Variants in KBTBD8 observed in about 807,000 individuals in gnomAD.
The protein encoded by KBTBD8 is kelch repeat and BTB domain containing 8, also known as kelch repeat and BTB domain-containing protein 8.
A neutral mutation model predicts 53.5 loss-of-function variants in KBTBD8; 31 were observed. The observed-to-expected ratio is 0.58, with a 90% CI of 0.44 to 0.78. The LOEUF is 0.78. KBTBD8 is among the 30% of genes least tolerant of loss of function. The pLI is 0.00. For synonymous variants in KBTBD8, 250 were observed against 247.3 expected, an observed-to-expected ratio of 1.01 and a Z score of -0.10; for missense variants, 642 against 735.8, an observed-to-expected ratio of 0.87 and a Z score of 1.48.
At position 67,004,122 on chromosome 3, in the gene KBTBD8, T is replaced by G. The variant is rs1268072409; in HGVS notation, c.1155T>G (p.Leu385=). 6.2e-7 allele frequency: 1 copy of G among 1,614,168 alleles called. No homozygotes were observed. The highest frequency in any genetic ancestry group is 8.5e-7 in the Non-Finnish European group (1 of 1,180,008). ...SLLRARIGCK[L]VYCCGKMYAI... is the part of the protein sequence containing the mutation. ...TTCGAGCCAGAATAGGCTGCAAACT[T>G]GTCTATTGCTGTGGTAAAATGTATG... is the stretch of plus-strand genomic sequence containing the variant. The change falls in exon 3 of 4, where the codon CTT becomes CTG. Residue 385 remains leucine (L), a synonymous_variant. Transcript: ENST00000417314.
intron 3 of KBTBD8, 85 bp downstream of exon 3, chr3:67,004,394 C>A: frequency 7.8e-7 from 1 of 1,290,260 alleles, no homozygotes; most frequent in Non-Finnish European, 1.1e-6. Flanking sequence ...CAGTTGTGTT[C>A]CCGTTAATTG....
At chr3:67,004,362 G>T in intron 3 of KBTBD8, 53 bp downstream of exon 3, 1 of 1,530,256 alleles carries the variant, frequency 6.5e-7, no homozygotes, top group South Asian at 1.2e-5. Flanking sequence ...ATCAAGTGGT[G>T]GTTTACTTAA....
intron 2 of KBTBD8, among the ~76,000 whole-genome samples, chr3:67,000,894 T>G (rs1341287737): frequency 2.6e-5 from 4 of 151,918 alleles, no homozygotes; most frequent in Admixed American, 6.6e-5. Context: ...GTATACATAT[T>G]AAGTATACTT....
Position 67,007,380 on chromosome 3 carries a change from G to A in KBTBD8, c.1343-542G>A, listed in dbSNP as rs200709294. On this transcript the variant is annotated intron_variant, in intron 3 of 3. Coordinates refer to ENST00000417314, the MANE Select transcript of KBTBD8 (RefSeq NM_032505.3). Reference sequence around the variant, plus strand: ...GTTACCCAGGCTGGAGTGCAGTGGCGTGATCTTGGCTCACTGCATCCTTCA... The same window carrying A: ...GTTACCCAGGCTGGAGTGCAGTGGCATGATCTTGGCTCACTGCATCCTTCA... Among the ~76,000 whole-genome samples the A allele has an allele frequency of 4.0e-5, 6 of 149,372 alleles. No individual in the cohort carries two copies. In the East Asian group the frequency reaches 1.2e-3, roughly 29 times the overall value.
chr3:67,005,794 G>A (rs1053851871), intron 3 of KBTBD8, among the ~76,000 whole-genome samples: 2 of 151,714 alleles, frequency 1.3e-5, no homozygotes, highest in Non-Finnish European at 2.9e-5. Flanking sequence ...TTCCACCTCA[G>A]TCTCAGGCAT....
intron 2 of KBTBD8, among the ~76,000 whole-genome samples, chr3:67,001,625 C>T (rs1303098820): frequency 6.6e-6 from 1 of 152,080 alleles, no homozygotes; most frequent in Non-Finnish European, 1.5e-5. Context: ...TAATTGGTAG[C>T]TGTATCGGTG....
At position 67,008,197 on chromosome 3, in the gene KBTBD8, G is replaced by A. The variant is rs1285564846; in HGVS notation, c.1618G>A (p.Ala540Thr). 8 of 1,613,962 alleles carry A rather than the reference G, an allele frequency of 5.0e-6. No homozygotes were observed. The East Asian group carries it at 1.8e-4, about 36-fold the overall frequency. ...GAACAAACTCCATTTATTTGTTCGA[G>A]CTACTCAAGTGACTGTTGAAGAACA... The part of the protein sequence containing the change: ...FQNKLHLFVR[A>T]TQVTVEEHVF... Residue 540 changes from alanine to threonine, a missense_variant, in exon 4 of 4, where the codon GCT (alanine) becomes ACT (threonine). Transcript: ENST00000417314.
chr3:66,999,280 C>A (rs1164839585), intron 2 of KBTBD8, 89 bp downstream of exon 2: 2 of 1,011,482 alleles, frequency 2.0e-6, no homozygotes, highest in Middle Eastern at 2.1e-4. Flanking sequence ...TATTGAGATG[C>A]GATAATGAAA....
Position 67,004,055 on chromosome 3 carries a change from A to G in KBTBD8, c.1088A>G (p.Tyr363Cys), listed in dbSNP as rs1466539032. The G allele has an allele frequency of 6.2e-7, 1 of 1,614,218 alleles. No individual in the cohort carries two copies. Among genetic ancestry groups the G allele is most frequent in the South Asian group, 1.1e-5 (1 of 91,088 alleles). ...DHKAENDFWM[Y>C]DHSTNRWLSK... is the part of the protein sequence containing the mutation. ...AAGGCAGAAAATGATTTCTGGATGT[A>G]TGATCATTCCACCAATAGATGGCTA... The change falls in exon 3 of 4, where the codon TAT becomes TGT. Residue 363 changes from tyrosine to cysteine, a missense_variant. Transcript: ENST00000417314.
At chr3:67,000,077 A>G (rs1047100652) in intron 2 of KBTBD8, among the ~76,000 whole-genome samples, 3 of 152,336 alleles carry the variant, frequency 2.0e-5, no homozygotes, top group Admixed American at 2.0e-4. Flanking sequence ...AAAGTTATCA[A>G]CCACACTCTG....
In KBTBD8 at chr3:67,007,942, G is replaced by A; in HGVS notation, c.1363G>A (p.Glu455Lys). 1.3e-6 allele frequency: 2 copies of A among 1,504,498 alleles called. No individual in the cohort carries two copies. The highest frequency in any genetic ancestry group is 1.3e-5 in the South Asian group (1 of 77,180). 93.2% of individuals were successfully genotyped at this position (1,504,498 alleles called of 1,614,324 possible). Residue 455 changes from glutamate to lysine, a missense_variant, in exon 4 of 4, where the codon GAG becomes AAG. Physicochemically the swap from Glu to Lys is moderately conservative, Grantham distance 56 (BLOSUM62 1). Transcript: ENST00000417314. ...TTTAGGAGAATTTTTTCTCTTCTAT[G>A]AGCCTCAAAAAGACTACTGGGGTTT... Reference protein sequence around the residue: ...VLQGEFFLFYEPQKDYWGFLT... With the variant: ...VLQGEFFLFYKPQKDYWGFLT...
chr3:66,999,296 C>T (rs994396839), intron 2 of KBTBD8, 105 bp downstream of exon 2: 5 of 910,482 alleles, frequency 5.5e-6, no homozygotes, highest in African/African-American at 3.3e-5. Context: ...TGAAATGAAA[C>T]CAATGACTTT....
At chr3:67,006,526 A>C (rs1366480465) in intron 3 of KBTBD8, among the ~76,000 whole-genome samples, 1 of 152,204 alleles carries the variant, frequency 6.6e-6, no homozygotes, top group Non-Finnish European at 1.5e-5. Flanking sequence ...CACATTACAA[A>C]GTTTAAATTT....
At chr3:67,007,603 G>A (rs1702079868) in intron 3 of KBTBD8, among the ~76,000 whole-genome samples, 2 of 152,118 alleles carry the variant, frequency 1.3e-5, no homozygotes, top group South Asian at 4.1e-4. Context: ...ACAGGCGTGA[G>A]CCACTGTGCC....
chr3:67,000,996 C>A (rs553249941), intron 2 of KBTBD8, among the ~76,000 whole-genome samples: 10 of 151,568 alleles, frequency 6.6e-5, no homozygotes, highest in Non-Finnish European at 1.3e-4. Flanking sequence ...TTTTTGAAGA[C>A]CTGGAAAAAA....
intron 3 of KBTBD8, among the ~76,000 whole-genome samples, chr3:67,005,850 G>A (rs557442535): frequency 1.3e-5 from 2 of 152,030 alleles, no homozygotes; most frequent in South Asian, 2.1e-4. Context: ...TAGAGTCGGC[G>A]TTTCACTATG....
rs1702112138 is a variant in KBTBD8 at position 67,010,987 on chromosome 3, TTGG to T, written c.*2604_*2606del. On this transcript the variant is annotated 3_prime_UTR_variant, in exon 4 of 4. Transcript: ENST00000417314. ...ATGCTTAAGCATCAAGCTGATTTTA[TTGG>T]TCATGAGAACAAATGGATGTGATCA... 6.6e-6 allele frequency: 1 copy of T among 152,604 alleles called. No homozygotes were observed. Among genetic ancestry groups the T allele is most frequent in the African/African-American group, 2.4e-5 (1 of 41,432 alleles). 9.5% of individuals were successfully genotyped at this position (152,604 alleles called of 1,614,324 possible). A position where few individuals can be genotyped will look rare whatever the true frequency, so the allele number is the denominator to read the frequency against.
At chr3:67,005,017 TG>T (rs1437098193) in intron 3 of KBTBD8, among the ~76,000 whole-genome samples, 1 of 152,228 alleles carries the variant, frequency 6.6e-6, no homozygotes, top group Non-Finnish European at 1.5e-5. Context: ...GTTTTCTGTT[TG>T]TTTTTTTAAC....
rs775647528 is a variant in KBTBD8, at chr3:67,008,411, C to G, written c.*26C>G. ...ATGAGTAGCAGGCCTTAGTGCATCA[C>G]TGGCATCTCATTCTTAGGAAACTTG... On this transcript the variant is annotated 3_prime_UTR_variant, in exon 4 of 4. Coordinates refer to ENST00000417314, the MANE Select transcript of KBTBD8 (RefSeq NM_032505.3). The G allele has an allele frequency of 6.9e-6, 10 of 1,446,100 alleles. No homozygotes were observed. The East Asian group carries it at 2.3e-4, about 33-fold the overall frequency. The allele number at this position is 1,446,100 out of a possible 1,614,324, so 89.6% of individuals were successfully genotyped here.
Sources: gnomAD v4.1 joint callset for allele counts (sites outside exome capture counted in the v4.1 genomes callset) on GRCh38, gnomAD v4.1.1 for gene constraint, MANE v1.5 for transcripts, NCBI Gene and HGNC (gene_info 2026-07-23, HGNC 2026-07-21) for gene names.